TMEM82: variants seen among roughly 807,000 people sequenced by gnomAD.
The protein encoded by TMEM82 is transmembrane protein 82.
TMEM82 carries 30 observed loss-of-function variants against 29.2 expected under a neutral mutation model. The observed-to-expected ratio is 1.03, with a 90% CI of 0.77 to 1.39. TMEM82 has a LOEUF of 1.39. Among genes scored for constraint, TMEM82 ranks in the 40% most tolerant of loss-of-function variants. TMEM82 has a pLI of 0.00. For missense variants in TMEM82, 442 were observed against 447.7 expected (o/e 0.99, Z 0.12); for synonymous variants, 221 against 225.4 (o/e 0.98, Z 0.18).
chr1:15,744,282 G>T lies in TMEM82; in HGVS notation c.459G>T (p.Leu153=). 6.4e-7 allele frequency: 1 copy of T among 1,556,254 alleles called. No individual in the cohort carries two copies. ...QEGAPHRTLN[L]LLSLGLATLL... ...GCGCCCCTCACCGCACGCTGAACCT[G>T]CTGCTGAGCCTCGGGCTGGCCACGC... Residue 153 remains leucine (L), a synonymous_variant, in exon 4 of 6, where the codon CTG becomes CTT. Coordinates refer to ENST00000375782, the MANE Select transcript of TMEM82 (RefSeq NM_001013641.3). This position sits in a 1 kb window ranked among gnomAD's most constrained non-coding sequence, Gnocchi z 5.2.
chr1:15,743,836 G>T (rs1166306908), intron 3 of TMEM82, among the ~76,000 whole-genome samples: 1 of 152,044 alleles, frequency 6.6e-6, no homozygotes, highest in East Asian at 1.9e-4. Context: ...ATGGTGGCGG[G>T]TGCCTGTAAT....
intron 4 of TMEM82, among the ~76,000 whole-genome samples, chr1:15,745,577 AAG>A (rs571016161): frequency 2.7e-5 from 4 of 148,662 alleles, no homozygotes; most frequent in Admixed American, 6.7e-5. Context: ...GAGAGAGAGA[AAG>A]AGAGAGAGAG....
chr1:15,742,945 G>C, intron 2 of TMEM82, 38 bp downstream of exon 2: 1 of 1,609,564 alleles, frequency 6.2e-7, no homozygotes, highest in Non-Finnish European at 8.5e-7. Context: ...AATGTGGCTG[G>C]GGGCACGGGG....
At position 15,744,048 on chromosome 1, in the gene TMEM82, GC is replaced by G. The variant is rs35718863; in HGVS notation, c.337-108del. The G allele has an allele frequency of 9.3e-7, 1 of 1,069,684 alleles. No homozygotes were observed. The highest frequency in any genetic ancestry group is 1.3e-6 in the Non-Finnish European group (1 of 769,356). The allele number at this position is 1,069,684 out of a possible 1,614,324, so 66.3% of individuals were successfully genotyped here. A position where few individuals can be genotyped will look rare whatever the true frequency, so the allele number is the denominator to read the frequency against. On this transcript the variant is annotated intron_variant, in intron 3 of 5. Coordinates refer to ENST00000375782, the MANE Select transcript of TMEM82 (RefSeq NM_001013641.3). The surrounding 1 kb of genome is among the most constrained non-coding windows in gnomAD (Gnocchi z 5.2). ...TAGGGCTTCATCTGAAGCCGATGTG[GC>G]CCCTTCGGGAACCATCCCCAAGGTC...
chr1:15,744,056 G>A lies in TMEM82; in HGVS notation c.337-104G>A, dbSNP rs779817332. On this transcript the variant is annotated intron_variant, in intron 3 of 5. Coordinates refer to ENST00000375782, the MANE Select transcript of TMEM82 (RefSeq NM_001013641.3). The surrounding 1 kb of genome is among the most constrained non-coding windows in gnomAD (Gnocchi z 5.2). ...CATCTGAAGCCGATGTGGCCCCTTC[G>A]GGAACCATCCCCAAGGTCCCTTCAG... 130 of 1,243,166 alleles carry A rather than the reference G, an allele frequency of 1.0e-4. 2 individuals are homozygous for A. The highest frequency in any genetic ancestry group is 9.5e-5 in the South Asian group (6 of 62,900). 77.0% of individuals were successfully genotyped at this position (1,243,166 alleles called of 1,614,324 possible).
At position 15,747,689 on chromosome 1, in the gene TMEM82, C is replaced by A. The variant is rs1210629407; in HGVS notation, c.*57C>A. The A allele has an allele frequency of 6.7e-7, 1 of 1,501,792 alleles. No individual in the cohort carries two copies. The highest frequency in any genetic ancestry group is 9.2e-7 in the Non-Finnish European group (1 of 1,083,982). 93.0% of individuals were successfully genotyped at this position (1,501,792 alleles called of 1,614,324 possible). On this transcript the variant is annotated 3_prime_UTR_variant, in exon 6 of 6. Coordinates refer to ENST00000375782, the MANE Select transcript of TMEM82 (RefSeq NM_001013641.3). ...AAGCCCACTAGCCTGATCTCCGAGG[C>A]CTTGACCCCAGGGCGATGCCTGGAG...
chr1:15,742,912 G>T lies in TMEM82; in HGVS notation c.161+5G>T, dbSNP rs1378312457. The T allele has an allele frequency of 6.2e-7, 1 of 1,612,758 alleles. No individual in the cohort carries two copies. The highest frequency in any genetic ancestry group is 1.7e-5 in the Admixed American group (1 of 60,008). ...CTTCTTCGTGGGCTGTGCCAAGTGA[G>T]TGCCCACCTCATCCCCCCAGGGAAT... On this transcript the variant is annotated splice_donor_5th_base_variant and intron_variant, in intron 2 of 5. Transcript: ENST00000375782.
rs763834767 is a variant in TMEM82, at chr1:15,743,091, C to A, written c.233C>A (p.Ala78Glu). 2 of 1,611,252 alleles carry A rather than the reference C, an allele frequency of 1.2e-6. No individual in the cohort carries two copies. The highest frequency in any genetic ancestry group is 1.1e-5 in the South Asian group (1 of 90,938). ...GCCTCCCTGGAAACGGTGCACCTGG[C>A]AGGGCTGGCCCTGTTTCTGACGGTC... ...QWASLETVHL[A>E]GLALFLTVVG... is the part of the protein sequence containing the mutation. The change falls in exon 3 of 6, where the codon GCA becomes GAA. Residue 78 changes from alanine (A) to glutamate (E), a missense_variant. Coordinates refer to ENST00000375782, the MANE Select transcript of TMEM82 (RefSeq NM_001013641.3).
chr1:15,742,696 T>G (rs751698477), intron 1 of TMEM82, 49 bp downstream of exon 1: 18 of 1,568,600 alleles, frequency 1.1e-5, no homozygotes, highest in Non-Finnish European at 1.6e-5. Flanking sequence ...CTTCCAGCTC[T>G]TTGCAGTGCA....
At chr1:15,745,481 T>A (rs112973880) in intron 4 of TMEM82, among the ~76,000 whole-genome samples, 3 of 149,198 alleles carry the variant, frequency 2.0e-5, no homozygotes, top group African/African-American at 7.4e-5. Context: ...ATCGAACCAC[T>A]GCACTCCAGC....
intron 4 of TMEM82, among the ~76,000 whole-genome samples, chr1:15,745,664 A>G (rs1201681812): frequency 4.6e-5 from 7 of 152,068 alleles, no homozygotes; most frequent in African/African-American, 1.7e-4. Flanking sequence ...AGGCTAAGGC[A>G]GGTGGATCAC....
At chr1:15,745,985 G>A (rs1569611630) in intron 4 of TMEM82, among the ~76,000 whole-genome samples, 3 of 149,672 alleles carry the variant, frequency 2.0e-5, no homozygotes, top group East Asian at 2.1e-4. Context: ...TCAGCTTCCC[G>A]AAGTGCTGGG....
Position 15,747,582 on chromosome 1 carries a change from A to T in TMEM82, c.982A>T (p.Ser328Cys). The stretch of plus-strand genomic sequence containing the variant: ...CCAGAGGCCTCCAGTGTCAACACCA[A>T]GCCAGCCCCTGCCCTCGGCACCCCA... ...PSQRPPVSTP[S>C]QPLPSAPQSQ... Residue 328 changes from serine (S) to cysteine (C), a missense_variant, in exon 6 of 6, where the codon AGC (serine) becomes TGC (cysteine). Ser to Cys is a moderately radical substitution (Grantham distance 112). Coordinates refer to ENST00000375782, the MANE Select transcript of TMEM82 (RefSeq NM_001013641.3). The T allele has an allele frequency of 1.2e-6, 2 of 1,614,018 alleles. No homozygotes were observed. The highest frequency in any genetic ancestry group is 1.7e-6 in the Non-Finnish European group (2 of 1,179,956).
chr1:15,744,307 C>T lies in TMEM82; in HGVS notation c.484C>T (p.Leu162=), dbSNP rs758367529. The T allele has an allele frequency of 6.5e-7, 1 of 1,545,316 alleles. No individual in the cohort carries two copies. Among genetic ancestry groups the T allele is most frequent in the Non-Finnish European group, 8.7e-7 (1 of 1,149,690 alleles). The change falls in exon 4 of 6, where the codon CTG becomes TTG. Residue 162 remains leucine (L), a synonymous_variant. Transcript: ENST00000375782. This position sits in a 1 kb window ranked among gnomAD's most constrained non-coding sequence, Gnocchi z 5.2. ...NLLLSLGLAT[L]LGLGARRLHR... ...GCTGCTGAGCCTCGGGCTGGCCACG[C>T]TGCTGGGCCTGGGTGCCCGGCGCCT... is the stretch of plus-strand genomic sequence containing the variant.
At chr1:15,747,115 G>A (rs2068342468) in intron 5 of TMEM82, 61 bp downstream of exon 5, 14 of 1,539,986 alleles carry the variant, frequency 9.1e-6, no homozygotes, top group Non-Finnish European at 1.2e-5. Context: ...CAGCCCAGGA[G>A]CCTCAAGAGG....
chr1:15,746,832 G>T (rs1284478664), intron 4 of TMEM82, 35 bp from the exon 5 acceptor site: 5 of 1,528,416 alleles, frequency 3.3e-6, no homozygotes, highest in Non-Finnish European at 8.8e-7. Flanking sequence ...TCCGGGGTGT[G>T]TGGTCGGACG....
At position 15,744,151 on chromosome 1, in the gene TMEM82, TC is replaced by T; in HGVS notation, c.337-5del. The stretch of plus-strand genomic sequence containing the variant: ...CCACATCTCGGCCCCTCTTCGGCAC[TC>T]CCCGCAGGGCTCCCAGGGTGCCGCC... On this transcript the variant is annotated splice_polypyrimidine_tract_variant and splice_region_variant and intron_variant, in intron 3 of 5. Coordinates refer to ENST00000375782, the MANE Select transcript of TMEM82 (RefSeq NM_001013641.3). This position sits in a 1 kb window ranked among gnomAD's most constrained non-coding sequence, Gnocchi z 5.2. The T allele has an allele frequency of 2.6e-6, 4 of 1,522,284 alleles. No homozygotes were observed. The highest frequency in any genetic ancestry group is 3.9e-5 in the Admixed American group (2 of 51,584). The allele number at this position is 1,522,284 out of a possible 1,614,324, so 94.3% of individuals were successfully genotyped here.
Position 15,744,042 on chromosome 1 carries a change from G to T in TMEM82, c.337-118G>T. ...ATCCCCTAGGGCTTCATCTGAAGCC[G>T]ATGTGGCCCCTTCGGGAACCATCCC... is the stretch of plus-strand genomic sequence containing the variant. On this transcript the variant is annotated intron_variant, in intron 3 of 5. Coordinates refer to ENST00000375782, the MANE Select transcript of TMEM82 (RefSeq NM_001013641.3). The surrounding 1 kb of genome is among the most constrained non-coding windows in gnomAD (Gnocchi z 5.2). 1.0e-6 allele frequency: 1 copy of T among 984,418 alleles called. No homozygotes were observed. The highest frequency in any genetic ancestry group is 1.4e-6 in the Non-Finnish European group (1 of 691,692). The allele number at this position is 984,418 out of a possible 1,614,324, so 61.0% of individuals were successfully genotyped here. A position where few individuals can be genotyped will look rare whatever the true frequency, so the allele number is the denominator to read the frequency against.
intron 4 of TMEM82, among the ~76,000 whole-genome samples, chr1:15,745,154 C>T (rs193038932): frequency 2.6e-4 from 39 of 152,264 alleles, no homozygotes; most frequent in African/African-American, 9.4e-4. Flanking sequence ...TCAAGTGATT[C>T]TCCCACCTCA....
Sources: allele counts gnomAD v4.1 joint callset (sites outside exome capture counted in the v4.1 genomes callset), GRCh38; gene constraint gnomAD v4.1.1; non-coding constraint Gnocchi (gnomAD v3.1); transcripts MANE v1.5; gene names NCBI Gene and HGNC (gene_info 2026-07-23, HGNC 2026-07-21).